CLYBL: variants seen among roughly 807,000 people sequenced by gnomAD.
CLYBL encodes the protein citramalyl-CoA lyase, mitochondrial.
In CLYBL, 31 loss-of-function variants were observed where a neutral mutation model predicts 38.9. The observed-to-expected ratio is 0.80, with a 90% confidence interval of 0.60 to 1.08. The LOEUF is 1.08. CLYBL is among the 50% of genes least tolerant of loss of function. CLYBL has a pLI of 0.00. For synonymous variants in CLYBL, 171 were observed against 158.6 expected (o/e 1.08, Z -0.59); for missense variants, 434 against 411.6 (o/e 1.05, Z -0.47).
intron 6 of CLYBL, 55 bp downstream of exon 6, chr13:99,866,462 T>C: frequency 6.5e-7 from 1 of 1,549,932 alleles, no homozygotes; most frequent in Non-Finnish European, 8.8e-7. Flanking sequence ...TCCAGAAAAA[T>C]AGAAATTTGA....
At chr13:99,618,682 C>T (rs2046750467) in intron 1 of CLYBL, among the ~76,000 whole-genome samples, 1 of 152,158 alleles carries the variant, frequency 6.6e-6, no homozygotes, top group Non-Finnish European at 1.5e-5. Flanking sequence ...ACACTGAAAC[C>T]CTGTGCCCAT....
chr13:99,820,024 CA>C (rs973795659), intron 2 of CLYBL, among the ~76,000 whole-genome samples: 1 of 152,218 alleles, frequency 6.6e-6, no homozygotes, highest in Non-Finnish European at 1.5e-5. Flanking sequence ...CTGCTGGTTG[CA>C]GAGAATCCCA....
intron 2 of CLYBL, among the ~76,000 whole-genome samples, chr13:99,775,256 A>C (rs1246487073): frequency 6.6e-6 from 1 of 152,122 alleles, no homozygotes; most frequent in Non-Finnish European, 1.5e-5. Flanking sequence ...AATATAGTCT[A>C]TTTCTGCTTT....
At chr13:99,851,695 G>A (rs950692912) in intron 2 of CLYBL, among the ~76,000 whole-genome samples, 2 of 152,236 alleles carry the variant, frequency 1.3e-5, no homozygotes, top group South Asian at 2.1e-4. Context: ...AAGTTTCGGC[G>A]AGCATGTGGA....
At chr13:99,877,862 G>A (rs566367975) in intron 7 of CLYBL, among the ~76,000 whole-genome samples, 10 of 152,104 alleles carry the variant, frequency 6.6e-5, no homozygotes, top group East Asian at 1.9e-4. Flanking sequence ...GTAAGCCACC[G>A]CGCCCAGCCC....
intron 2 of CLYBL, among the ~76,000 whole-genome samples, chr13:99,846,436 T>C (rs906239273): frequency 6.6e-6 from 1 of 152,148 alleles, no homozygotes; most frequent in Non-Finnish European, 1.5e-5. Flanking sequence ...ACTTTAAAAA[T>C]AGTTTGTGAA....
intron 1 of CLYBL, among the ~76,000 whole-genome samples, chr13:99,741,555 G>A (rs1435030227): frequency 1.3e-5 from 2 of 151,826 alleles, no homozygotes; most frequent in African/African-American, 4.8e-5. Flanking sequence ...CTTTTTTTTG[G>A]GGGGTGGGGG....
At chr13:99,757,242 A>G (rs1024756580) in intron 1 of CLYBL, among the ~76,000 whole-genome samples, 4 of 146,344 alleles carry the variant, frequency 2.7e-5, no homozygotes, top group South Asian at 4.6e-4. Context: ...TTCTTTAAAT[A>G]TAGATTTTTT....
chr13:99,767,421 G>C (rs2049290735), intron 1 of CLYBL, among the ~76,000 whole-genome samples: 1 of 152,232 alleles, frequency 6.6e-6, no homozygotes. Context: ...AGTGTGTCTA[G>C]ATGTGGGTGT....
chr13:99,701,262 C>G (rs1431671898), intron 1 of CLYBL, among the ~76,000 whole-genome samples: 1 of 152,134 alleles, frequency 6.6e-6, no homozygotes, highest in Non-Finnish European at 1.5e-5. Flanking sequence ...TATATATTGT[C>G]TCATTTAAAT....
chr13:99,711,628 ACT>A (rs988042301), intron 1 of CLYBL, among the ~76,000 whole-genome samples: 1 of 143,902 alleles, frequency 6.9e-6, no homozygotes, highest in Non-Finnish European at 1.5e-5. Context: ...CTGGTCTTGA[ACT>A]CCCGACCTCA....
At position 99,866,350 on chromosome 13, in the gene CLYBL, C is replaced by A. The variant is rs1217436926; in HGVS notation, c.745C>A (p.Arg249=). The part of the protein sequence containing the change: ...QAIDLVYIDF[R]DGAGLLRQSR... ...CATAGATCTGGTGTACATTGACTTT[C>A]GAGATGGAGCTGGGCTGCTTAGACA... The change falls in exon 6 of 9, where the codon CGA becomes AGA. Residue 249 remains arginine (R), a synonymous_variant. Coordinates refer to ENST00000339105, the MANE Select transcript of CLYBL (RefSeq NM_206808.5). 2.5e-6 allele frequency: 4 copies of A among 1,614,008 alleles called. No homozygotes were observed. Among genetic ancestry groups the A allele is most frequent in the Non-Finnish European group, 3.4e-6 (4 of 1,180,032 alleles).
At chr13:99,823,844 G>T (rs2050633443) in intron 2 of CLYBL, among the ~76,000 whole-genome samples, 2 of 152,118 alleles carry the variant, frequency 1.3e-5, no homozygotes, top group South Asian at 4.2e-4. Context: ...GTCATCCACT[G>T]CTCCATCTGA....
chr13:99,891,306 T>G lies in CLYBL; in HGVS notation c.928-12T>G, dbSNP rs1377479468. The G allele has an allele frequency of 1.3e-6, 2 of 1,594,840 alleles. No homozygotes were observed. ...GTATTCTTTCAGGAAGTTTGTATTC[T>G]CTGTTTTCCAGGGGGCCTTTACTTT... On this transcript the variant is annotated splice_polypyrimidine_tract_variant and intron_variant, in intron 7 of 8. Coordinates refer to ENST00000339105, the MANE Select transcript of CLYBL (RefSeq NM_206808.5).
chr13:99,698,737 G>C lies in CLYBL; in HGVS notation c.63-74087G>C, dbSNP rs191338224. Among the ~76,000 whole-genome samples the C allele has an allele frequency of 1.2e-3, 178 of 152,264 alleles. 2 individuals carry two copies. Among genetic ancestry groups the C allele is most frequent in the African/African-American group, 4.0e-3 (166 of 41,554 alleles). On this transcript the variant is annotated intron_variant, in intron 1 of 8. Coordinates refer to ENST00000339105, the MANE Select transcript of CLYBL (RefSeq NM_206808.5). ...GATGAAAGTAAAAATTAGAATGTGT[G>C]GTTTTTCTGCCCAGGTGTTATTTAA...
At chr13:99,900,428 G>A (rs996346050), downstream of CLYBL, among the ~76,000 whole-genome samples, 3 of 152,018 alleles carry the variant, frequency 2.0e-5, no homozygotes, top group African/African-American at 7.2e-5. Context: ...CGGTGCTGGA[G>A]ATGTTCTGAC....
chr13:99,721,922 C>A (rs1480895349), intron 1 of CLYBL, among the ~76,000 whole-genome samples: 1 of 152,138 alleles, frequency 6.6e-6, no homozygotes, highest in Non-Finnish European at 1.5e-5. Context: ...ACTGCTTTAC[C>A]TTTTTCTTCT....
At chr13:99,722,341 C>T (rs1367168863) in intron 1 of CLYBL, among the ~76,000 whole-genome samples, 2 of 152,176 alleles carry the variant, frequency 1.3e-5, no homozygotes, top group Non-Finnish European at 2.9e-5. Context: ...TCCTCCCAGC[C>T]CTGGAGATTT....
At chr13:99,659,829 T>G (rs1464196396) in intron 1 of CLYBL, among the ~76,000 whole-genome samples, 1 of 152,118 alleles carries the variant, frequency 6.6e-6, no homozygotes, top group Non-Finnish European at 1.5e-5. Context: ...CATAAATAAT[T>G]GATATGTGGA....
Sources: allele counts gnomAD v4.1 joint callset (sites outside exome capture counted in the v4.1 genomes callset), GRCh38; gene constraint gnomAD v4.1.1; transcripts MANE v1.5; gene names NCBI Gene and HGNC (gene_info 2026-07-23, HGNC 2026-07-21).